SNX7: variants seen among roughly 807,000 people sequenced by gnomAD.
SNX7 encodes the protein sorting nexin-7.
In SNX7, 35 loss-of-function variants were observed where a neutral mutation model predicts 48.4. The ratio of observed to expected loss-of-function variants is 0.72; its 90% CI spans 0.55 to 0.96. SNX7 has a LOEUF of 0.96. Among genes scored for constraint, SNX7 ranks in the 40% least tolerant of loss-of-function variants. The pLI, the probability that SNX7 is intolerant of heterozygous loss-of-function variation, is 0.00. For synonymous variants in SNX7, 190 were observed against 190.2 expected (o/e 1.00, Z 0.01); for missense variants, 553 against 548.9 (o/e 1.01, Z -0.07).
chr1:98,734,419 G>A (rs1482646340), intron 7 of SNX7, among the ~76,000 whole-genome samples: 3 of 152,094 alleles, frequency 2.0e-5, no homozygotes, highest in African/African-American at 4.8e-5. Flanking sequence ...GTGCTATTCA[G>A]TCCGTATGAA....
At chr1:98,733,642 CT>C (rs1183027618) in intron 7 of SNX7, among the ~76,000 whole-genome samples, 1 of 152,056 alleles carries the variant, frequency 6.6e-6, no homozygotes, top group Non-Finnish European at 1.5e-5. Flanking sequence ...TTCAAGTTTC[CT>C]TTTCCTGATT....
At chr1:98,730,129 C>T (rs1242728187) in intron 7 of SNX7, among the ~76,000 whole-genome samples, 1 of 152,240 alleles carries the variant, frequency 6.6e-6, no homozygotes, top group Middle Eastern at 3.4e-3. Context: ...AAATGTAATC[C>T]ATCACGTAAA....
chr1:98,667,950 A>C, intron 1 of SNX7, among the ~76,000 whole-genome samples: 1 of 152,176 alleles, frequency 6.6e-6, no homozygotes, highest in East Asian at 1.9e-4. Context: ...AACAAAAAAA[A>C]CAATAAAACA....
chr1:98,745,139 C>G (rs574672941), intron 8 of SNX7, among the ~76,000 whole-genome samples: 2 of 152,056 alleles, frequency 1.3e-5, no homozygotes, highest in South Asian at 4.1e-4. Context: ...TAGAGTTGTT[C>G]AGCATAGTTT....
At chr1:98,712,348 T>C (rs1652357699) in intron 7 of SNX7, among the ~76,000 whole-genome samples, 1 of 152,172 alleles carries the variant, frequency 6.6e-6, no homozygotes, top group Non-Finnish European at 1.5e-5. Flanking sequence ...TCTTAAATAA[T>C]AAGACTCAAA....
intron 7 of SNX7, among the ~76,000 whole-genome samples, chr1:98,727,465 TCTC>T (rs1282081745): frequency 5.3e-5 from 8 of 151,868 alleles, no homozygotes; most frequent in African/African-American, 1.7e-4. Flanking sequence ...GTGTACCTCT[TCTC>T]CTCCAAATGA....
chr1:98,742,477 G>T (rs1654120085), intron 8 of SNX7, among the ~76,000 whole-genome samples: 1 of 151,976 alleles, frequency 6.6e-6, no homozygotes, highest in South Asian at 2.1e-4. Context: ...GCCAAATTAC[G>T]CAGTTTGTCG....
chr1:98,755,941 AG>A (rs1654819809), intron 8 of SNX7, among the ~76,000 whole-genome samples: 1 of 151,754 alleles, frequency 6.6e-6, no homozygotes. Flanking sequence ...GATATATTTG[AG>A]TCTTTTATCT....
chr1:98,744,358 T>C (rs1458886794), intron 8 of SNX7, among the ~76,000 whole-genome samples: 4 of 151,914 alleles, frequency 2.6e-5, no homozygotes, highest in Admixed American at 2.6e-4. Flanking sequence ...CTGTGGACCA[T>C]GGATCATGGA....
chr1:98,741,671 G>T (rs768921659), intron 8 of SNX7, among the ~76,000 whole-genome samples: 12 of 152,096 alleles, frequency 7.9e-5, no homozygotes, highest in Admixed American at 3.9e-4. Flanking sequence ...AATAATGAAA[G>T]AAAATGACTT....
chr1:98,744,298 T>G (rs1053310170), intron 8 of SNX7, among the ~76,000 whole-genome samples: 2 of 151,994 alleles, frequency 1.3e-5, no homozygotes, highest in Non-Finnish European at 2.9e-5. Context: ...AGTGGACAAT[T>G]CTAAAAAGTG....
intron 8 of SNX7, among the ~76,000 whole-genome samples, chr1:98,755,117 T>C (rs1570617545): frequency 6.6e-6 from 1 of 152,172 alleles, no homozygotes. Context: ...TTTAAAGATA[T>C]CTTTCTGGTA....
At chr1:98,704,998 A>G (rs1651942113) in intron 7 of SNX7, among the ~76,000 whole-genome samples, 1 of 152,086 alleles carries the variant, frequency 6.6e-6, no homozygotes, top group African/African-American at 2.4e-5. Context: ...TGCAAATACA[A>G]GGGCTCTGGT....
chr1:98,738,449 C>A, intron 8 of SNX7, 60 bp downstream of exon 8: 1 of 1,516,570 alleles, frequency 6.6e-7, no homozygotes, highest in Non-Finnish European at 9.1e-7. Context: ...TACTTTTGGT[C>A]CGTCCAATGT....
chr1:98,737,567 A>G (rs1280091427), intron 7 of SNX7, among the ~76,000 whole-genome samples: 1 of 152,222 alleles, frequency 6.6e-6, no homozygotes, highest in Admixed American at 6.5e-5. Context: ...GAATATGCCA[A>G]ATATAAAAGA....
intron 7 of SNX7, among the ~76,000 whole-genome samples, chr1:98,710,880 C>G (rs1435051415): frequency 6.6e-6 from 1 of 151,972 alleles, no homozygotes; most frequent in Non-Finnish European, 1.5e-5. Flanking sequence ...AGAAATTACG[C>G]TTAAAGAATT....
chr1:98,674,132 G>T (rs138782314), intron 1 of SNX7, among the ~76,000 whole-genome samples: 2 of 152,246 alleles, frequency 1.3e-5, no homozygotes, highest in East Asian at 3.9e-4. Context: ...CTGTTAAAAA[G>T]AATGGAGCAA....
At chr1:98,674,927 T>G (rs1650076635) in intron 1 of SNX7, among the ~76,000 whole-genome samples, 1 of 152,184 alleles carries the variant, frequency 6.6e-6, no homozygotes, top group Non-Finnish European at 1.5e-5. Flanking sequence ...TTCACTGTTC[T>G]AGCTACAGGA....
At chr1:98,706,239 C>T (rs577081039) in intron 7 of SNX7, among the ~76,000 whole-genome samples, 3 of 152,010 alleles carry the variant, frequency 2.0e-5, no homozygotes, top group African/African-American at 4.8e-5. Flanking sequence ...TAGTGATAAG[C>T]GTGGAGGAGA....
Sources: gnomAD v4.1 joint callset for allele counts (sites outside exome capture counted in the v4.1 genomes callset) on GRCh38, gnomAD v4.1.1 for gene constraint, MANE v1.5 for transcripts, NCBI Gene and HGNC (gene_info 2026-07-23, HGNC 2026-07-21) for gene names.